Variants in SPEF2 observed in about 807,000 individuals in gnomAD.
SPEF2 encodes the protein sperm flagellar and cilia associated 2.
SPEF2 carries 187 observed loss-of-function variants against 224.6 expected under a neutral mutation model. The ratio of observed to expected loss-of-function variants is 0.83; its 90% CI spans 0.74 to 0.94. The LOEUF (loss-of-function observed/expected upper bound fraction) is 0.94, where lower values mean the gene tolerates loss of function less well. Among genes scored for constraint, SPEF2 ranks in the 40% least tolerant of loss-of-function variants. SPEF2 has a pLI of 0.00. For synonymous variants in SPEF2, 715 were observed against 707.3 expected (o/e 1.01, Z -0.17); for missense variants, 2,170 against 2,135.6 (o/e 1.02, Z -0.32).
At chr5:35,630,921 A>G (rs1194975765) in intron 2 of SPEF2, among the ~76,000 whole-genome samples, 1 of 152,188 alleles carries the variant, frequency 6.6e-6, no homozygotes, top group Admixed American at 6.5e-5. Flanking sequence ...AGACAATCCA[A>G]TTTAACAATA....
intron 23 of SPEF2, among the ~76,000 whole-genome samples, chr5:35,749,420 T>C (rs1749066377): frequency 6.6e-6 from 1 of 152,092 alleles, no homozygotes; most frequent in Non-Finnish European, 1.5e-5. Context: ...ACTGTTCCTG[T>C]TTGCTGACGA....
intron 23 of SPEF2, among the ~76,000 whole-genome samples, chr5:35,743,569 T>C (rs1003150174): frequency 1.3e-5 from 2 of 152,158 alleles, no homozygotes; most frequent in Non-Finnish European, 1.5e-5. Flanking sequence ...GTTAAAAAAA[T>C]AAATAAACCT....
chr5:35,804,189 T>A (rs1036197995), intron 34 of SPEF2, among the ~76,000 whole-genome samples: 6 of 152,316 alleles, frequency 3.9e-5, no homozygotes, highest in African/African-American at 1.4e-4. Context: ...TGTGCTGCCA[T>A]CTGAGATGTG....
At chr5:35,630,786 G>A (rs916739407) in intron 2 of SPEF2, among the ~76,000 whole-genome samples, 15 of 152,182 alleles carry the variant, frequency 9.9e-5, no homozygotes, top group Admixed American at 3.3e-4. Context: ...TAGGGCAGGC[G>A]TAAAATGCCA....
At chr5:35,771,018 A>G (rs1205577475) in intron 26 of SPEF2, among the ~76,000 whole-genome samples, 1 of 152,178 alleles carries the variant, frequency 6.6e-6, no homozygotes, top group Admixed American at 6.5e-5. Flanking sequence ...CCATGACCCA[A>G]TTAACACAGG....
At chr5:35,806,601 G>A in intron 34 of SPEF2, 106 bp from the exon 35 acceptor site, 1 of 1,396,088 alleles carries the variant, frequency 7.2e-7, no homozygotes, top group Admixed American at 2.5e-5. Context: ...GGTAGGCTCT[G>A]TCATTCATGA....
intron 20 of SPEF2, among the ~76,000 whole-genome samples, chr5:35,713,165 T>C (rs1379534955): frequency 6.6e-6 from 1 of 152,162 alleles, no homozygotes; most frequent in African/African-American, 2.4e-5. Context: ...ATCCTTGGAC[T>C]AAGCTGTGCC....
At chr5:35,718,988 G>A (rs6871358) in intron 20 of SPEF2, among the ~76,000 whole-genome samples, 112,018 of 152,038 alleles carry the variant, frequency 0.74, 41,849 homozygotes, top group Middle Eastern at 0.83. Flanking sequence ...ATAACTGGTA[G>A]CTATAGTTAT....
intron 21 of SPEF2, among the ~76,000 whole-genome samples, chr5:35,729,498 A>C (rs1211950163): frequency 6.6e-6 from 1 of 152,196 alleles, no homozygotes; most frequent in East Asian, 1.9e-4. Context: ...GGCACTAAGC[A>C]AGATGAAGGA....
intron 26 of SPEF2, 84 bp from the exon 27 acceptor site, chr5:35,771,525 C>T: frequency 6.7e-7 from 1 of 1,500,854 alleles, no homozygotes; most frequent in South Asian, 1.4e-5. Flanking sequence ...AAGGTTTCAA[C>T]AGAATTTAGT....
rs564511813 is a variant in SPEF2, at chr5:35,630,493, G to A, written c.161+1931G>A. Among the ~76,000 whole-genome samples the A allele has an allele frequency of 1.2e-4, 18 of 152,246 alleles. 1 individual carries two copies. The highest frequency in any genetic ancestry group is 5.2e-4 in the Admixed American group (8 of 15,300). On this transcript the variant is annotated intron_variant, in intron 2 of 36. Coordinates refer to ENST00000356031, the MANE Select transcript of SPEF2 (RefSeq NM_024867.4). ...GGGTGGATCACAAGGTCAGGAGATC[G>A]AAATCATCCTGGCTAACACGGTGAA...
intron 17 of SPEF2, 79 bp downstream of exon 17, chr5:35,704,741 C>G: frequency 1.2e-6 from 1 of 828,332 alleles, no homozygotes; most frequent in South Asian, 1.5e-5. Flanking sequence ...ATCATCAGAT[C>G]TAGAAGAATA....
intron 33 of SPEF2, among the ~76,000 whole-genome samples, chr5:35,796,624 T>A (rs1213712226): frequency 8.3e-6 from 1 of 120,136 alleles, no homozygotes; most frequent in Non-Finnish European, 1.8e-5. Flanking sequence ...AAAAAAAAAA[T>A]CTCAACGCTA....
In SPEF2 at chr5:35,664,739, GGAGAGAGAGAGAGGAAGGAAGGAGGAGA is replaced by G. The variant is rs1285214992; in HGVS notation, c.1168-2319_1168-2292del. ...GAGAGGGAGGGAGAGAGAGGGAGAGGGAGAGAGAGAGAGGAAGGAAGGAGGAGAGAGAGAGAGAGAGAAAGAGGGAGGG... is the reference window on the plus strand; with the variant it reads ...GAGAGGGAGGGAGAGAGAGGGAGAGGGAGAGAGAGAGAGAAAGAGGGAGGG... On this transcript the variant is annotated intron_variant, in intron 8 of 36. Transcript: ENST00000356031. 2.2e-3 allele frequency among the ~76,000 whole-genome samples: 308 copies of G among 142,406 alleles called. 3 individuals are homozygous for G. The highest frequency in any genetic ancestry group is 3.6e-3 in the Non-Finnish European group (233 of 64,784). The allele number at this position is 142,406 out of a possible 152,430, so 93.4% of individuals were successfully genotyped here. A position where few individuals can be genotyped will look rare whatever the true frequency, so the allele number is the denominator to read the frequency against.
rs2277044 is a variant in SPEF2 at position 35,779,345 on chromosome 5, A to T, written c.4446A>T (p.Lys1482Asn). The T allele has an allele frequency of 3.8e-6, 6 of 1,589,694 alleles. 1 individual carries two copies. In the South Asian group the frequency reaches 6.9e-5, roughly 18 times the overall value. Residue 1482 changes from lysine to asparagine, a missense_variant and splice_region_variant, in exon 30 of 37, where the codon AAA (lysine) becomes AAT (asparagine). By Grantham distance (94) the Lys-to-Asn change is moderately conservative (BLOSUM62 0). Coordinates refer to ENST00000356031, the MANE Select transcript of SPEF2 (RefSeq NM_024867.4). ...LRDQFLDMAP[K>N]GIIGNKAFTD... ...ATCAGTTCTTAGATATGGCACCTAA[A>T]GGTAGGAAAAATAATTATCATGAAA...
Position 35,753,697 on chromosome 5 carries a change from T to G in SPEF2, c.3404T>G (p.Ile1135Ser), listed in dbSNP as rs756416309. Residue 1135 changes from isoleucine to serine, a missense_variant, in exon 24 of 37, where the codon ATT becomes AGT. Coordinates refer to ENST00000356031, the MANE Select transcript of SPEF2 (RefSeq NM_024867.4). ...GCGGAGCAGGAGCGGCTTGACATCA[T>G]TAATGAGAGCTGGTTACAGGACACT... Reference protein sequence around the residue: ...EEAEQERLDIINESWLQDTLG... With the variant: ...EEAEQERLDISNESWLQDTLG... The G allele has an allele frequency of 9.3e-6, 15 of 1,614,126 alleles. No homozygotes were observed. In the East Asian group the frequency reaches 3.1e-4, roughly 34 times the overall value.
intron 16 of SPEF2, among the ~76,000 whole-genome samples, chr5:35,702,675 A>G (rs1439319793): frequency 6.6e-6 from 1 of 152,220 alleles, no homozygotes; most frequent in African/African-American, 2.4e-5. Flanking sequence ...GTATAATGCA[A>G]CAAAGACTAT....
chr5:35,729,208 G>C (rs1457890982), intron 21 of SPEF2, among the ~76,000 whole-genome samples: 1 of 152,150 alleles, frequency 6.6e-6, no homozygotes, highest in Non-Finnish European at 1.5e-5. Context: ...CACATGTGAA[G>C]GCAATAAGTA....
In SPEF2 at chr5:35,624,185, A is replaced by G. The variant is rs112547564; in HGVS notation, c.59-4275A>G. Among the ~76,000 whole-genome samples the G allele has an allele frequency of 4.3e-3, 661 of 152,356 alleles. 6 individuals are homozygous for G. The highest frequency in any genetic ancestry group is 0.015 in the African/African-American group (626 of 41,580). ...GCCTAACATTATCACAGAGGCCTGC[A>G]TCAAAGATTTATTAGAAAAGGAAAC... On this transcript the variant is annotated intron_variant, in intron 1 of 36. Coordinates refer to ENST00000356031, the MANE Select transcript of SPEF2 (RefSeq NM_024867.4).
Sources: allele counts gnomAD v4.1 joint callset (sites outside exome capture counted in the v4.1 genomes callset), GRCh38; gene constraint gnomAD v4.1.1; transcripts MANE v1.5; gene names NCBI Gene and HGNC (gene_info 2026-07-23, HGNC 2026-07-21).